Variants in KCNIP1 observed in about 807,000 individuals in gnomAD.
KCNIP1 encodes potassium voltage-gated channel interacting protein 1.
In KCNIP1, 18 loss-of-function variants were observed where a neutral mutation model predicts 33.0. That is an observed-to-expected ratio of 0.55 (90% confidence interval 0.38 to 0.81). The LOEUF is 0.81. KCNIP1 is among the 30% of genes least tolerant of loss of function. The probability of loss-of-function intolerance (pLI) is 0.00; values close to 1 mark genes in which losing one functional copy is unlikely to be tolerated. For synonymous variants in KCNIP1, 93 were observed against 98.3 expected, an observed-to-expected ratio of 0.95 and a Z score of 0.32; for missense variants, 238 against 271.6, an observed-to-expected ratio of 0.88 and a Z score of 0.87.
At chr5:170,468,966 GGTAA>G (rs1483923905) in intron 1 of KCNIP1, among the ~76,000 whole-genome samples, 1 of 151,906 alleles carries the variant, frequency 6.6e-6, no homozygotes, top group African/African-American at 2.4e-5. Context: ...ATTTCCCAGA[GGTAA>G]CCATCATTAC....
At chr5:170,409,133 A>T (rs1169397688) in intron 1 of KCNIP1, among the ~76,000 whole-genome samples, 1 of 152,210 alleles carries the variant, frequency 6.6e-6, no homozygotes, top group Non-Finnish European at 1.5e-5. Flanking sequence ...GAGCTCACAC[A>T]GACCTAAGAG....
chr5:170,437,277 G>A (rs970995583), intron 1 of KCNIP1, among the ~76,000 whole-genome samples: 1 of 152,118 alleles, frequency 6.6e-6, no homozygotes, highest in Non-Finnish European at 1.5e-5. Flanking sequence ...TTCTTTTATG[G>A]CCTGCTTCAG....
chr5:170,432,765 C>T (rs760635311), intron 1 of KCNIP1, among the ~76,000 whole-genome samples: 4 of 152,180 alleles, frequency 2.6e-5, no homozygotes, highest in South Asian at 2.1e-4. Context: ...ATTATATCCT[C>T]GCTACAACCT....
At chr5:170,417,479 C>T (rs1400131745) in intron 1 of KCNIP1, among the ~76,000 whole-genome samples, 1 of 152,148 alleles carries the variant, frequency 6.6e-6, no homozygotes, top group Non-Finnish European at 1.5e-5. Context: ...TCCATTTGTC[C>T]CAAATGCTCC....
At chr5:170,667,750 TG>T (rs1244550518) in intron 1 of KCNIP1, among the ~76,000 whole-genome samples, 1 of 152,256 alleles carries the variant, frequency 6.6e-6, no homozygotes, top group Non-Finnish European at 1.5e-5. Context: ...ATAAGGTTGC[TG>T]GGGATGCCAA....
At chr5:170,511,487 G>A (rs1195488064) in intron 1 of KCNIP1, among the ~76,000 whole-genome samples, 1 of 152,194 alleles carries the variant, frequency 6.6e-6, no homozygotes, top group African/African-American at 2.4e-5. Context: ...ATGGTCACTG[G>A]CATTCTAAGC....
intron 1 of KCNIP1, among the ~76,000 whole-genome samples, chr5:170,398,305 A>G (rs1285097648): frequency 1.3e-5 from 2 of 152,200 alleles, no homozygotes; most frequent in African/African-American, 2.4e-5. Flanking sequence ...TTATTTCCCT[A>G]GAATAAAGAC....
chr5:170,671,280 C>CACCTTT (rs1186549778), intron 1 of KCNIP1, among the ~76,000 whole-genome samples: 12 of 152,192 alleles, frequency 7.9e-5, no homozygotes, highest in African/African-American at 2.7e-4. Flanking sequence ...ACACCACCTC[C>CACCTTT]ACCTTTGCCT....
chr5:170,724,130 T>A (rs146556961), intron 5 of KCNIP1, among the ~76,000 whole-genome samples: 1 of 152,328 alleles, frequency 6.6e-6, no homozygotes, highest in East Asian at 1.9e-4. Context: ...TAGCTCTGTA[T>A]TATTTAGAGA....
At position 170,614,076 on chromosome 5, in the gene KCNIP1, C is replaced by T. The variant is rs749465767; in HGVS notation, c.62-104682C>T. On this transcript the variant is annotated intron_variant, in intron 1 of 7. Transcript: ENST00000328939. Reference sequence around the variant, plus strand: ...ACACAATTGTTGAGGATGTGTCCCTCGGGGAGGCATGGTTCATCTGGCTGT... The same window carrying T: ...ACACAATTGTTGAGGATGTGTCCCTTGGGGAGGCATGGTTCATCTGGCTGT... 7.2e-4 allele frequency among the ~76,000 whole-genome samples: 110 copies of T among 152,202 alleles called. 1 individual carries two copies. Among genetic ancestry groups the T allele is most frequent in the Non-Finnish European group, 8.7e-4 (59 of 68,042 alleles).
At chr5:170,536,173 G>A (rs188591604) in intron 1 of KCNIP1, among the ~76,000 whole-genome samples, 2 of 152,312 alleles carry the variant, frequency 1.3e-5, no homozygotes, top group African/African-American at 4.8e-5. Context: ...GCCTTGACCG[G>A]GGTCACACAG....
chr5:170,573,240 G>A (rs904030297), intron 1 of KCNIP1, among the ~76,000 whole-genome samples: 20 of 152,150 alleles, frequency 1.3e-4, no homozygotes, highest in Admixed American at 1.2e-3. Context: ...TTATGCACCT[G>A]GTGTGTTATC....
At chr5:170,449,715 G>A (rs768724299) in intron 1 of KCNIP1, among the ~76,000 whole-genome samples, 13 of 152,326 alleles carry the variant, frequency 8.5e-5, no homozygotes, top group Admixed American at 2.0e-4. Context: ...GTGGACACCA[G>A]TTGGGATTAG....
intron 1 of KCNIP1, among the ~76,000 whole-genome samples, chr5:170,530,873 A>G (rs965832875): frequency 6.6e-6 from 1 of 152,150 alleles, no homozygotes; most frequent in Non-Finnish European, 1.5e-5. Context: ...AGTGTGGACC[A>G]TCGCGCCTGT....
chr5:170,712,692 G>A (rs1006767055), intron 1 of KCNIP1, among the ~76,000 whole-genome samples: 3 of 152,264 alleles, frequency 2.0e-5, no homozygotes, highest in African/African-American at 7.2e-5. Context: ...CATGGGAAAA[G>A]GACAGGGAGC....
intron 1 of KCNIP1, among the ~76,000 whole-genome samples, chr5:170,394,060 C>T (rs1308019555): frequency 6.6e-6 from 1 of 152,198 alleles, no homozygotes; most frequent in African/African-American, 2.4e-5. Context: ...GAGAGAGTTG[C>T]TGTAAGAGTG....
intron 1 of KCNIP1, among the ~76,000 whole-genome samples, chr5:170,643,604 G>T (rs991251839): frequency 2.0e-5 from 3 of 152,204 alleles, no homozygotes; most frequent in Non-Finnish European, 2.9e-5. Flanking sequence ...GCCTTCCCCA[G>T]ATTAAGAATA....
intron 1 of KCNIP1, among the ~76,000 whole-genome samples, chr5:170,470,346 T>C (rs1180169769): frequency 6.6e-6 from 1 of 152,034 alleles, no homozygotes; most frequent in Non-Finnish European, 1.5e-5. Flanking sequence ...TCAACATGCC[T>C]GTAACAGAAT....
chr5:170,514,102 T>C (rs1755037482), intron 1 of KCNIP1, among the ~76,000 whole-genome samples: 1 of 152,172 alleles, frequency 6.6e-6, no homozygotes, highest in Non-Finnish European at 1.5e-5. Context: ...CAAGCAAGCC[T>C]CTGAGCCCCA....
Sources: gnomAD v4.1 joint callset for allele counts (sites outside exome capture counted in the v4.1 genomes callset) on GRCh38, gnomAD v4.1.1 for gene constraint, MANE v1.5 for transcripts, NCBI Gene and HGNC (gene_info 2026-07-23, HGNC 2026-07-21) for gene names.